Variants in CDH13 observed in about 807,000 individuals in gnomAD.
The protein encoded by CDH13 is cadherin-13.
Under a neutral mutation model 63.8 loss-of-function variants are expected in CDH13, and 24 were observed. The ratio of observed to expected loss-of-function variants is 0.38; its 90% CI spans 0.27 to 0.53. The LOEUF is 0.53. Ranked by LOEUF, CDH13 falls within the 20% of genes least tolerant of loss-of-function variation. The probability of loss-of-function intolerance (pLI) is 0.85; values close to 1 mark genes in which losing one functional copy is unlikely to be tolerated. For missense variants in CDH13, 1,049 were observed against 903.1 expected (o/e 1.16, Z -2.07); for synonymous variants, 503 against 355.3 (o/e 1.42, Z -4.67).
intron 5 of CDH13, among the ~76,000 whole-genome samples, chr16:83,343,647 T>C (rs1270913200): frequency 1.3e-5 from 2 of 152,228 alleles, no homozygotes; most frequent in African/African-American, 2.4e-5. Context: ...TTGGGCTCTT[T>C]TTTGACAATA....
intron 3 of CDH13, among the ~76,000 whole-genome samples, chr16:83,103,457 G>C (rs1378828590): frequency 2.6e-5 from 4 of 151,676 alleles, no homozygotes. Flanking sequence ...TGTTGGCCAG[G>C]CTGGTGTCGA....
intron 10 of CDH13, among the ~76,000 whole-genome samples, chr16:83,689,013 A>C (rs1023478846): frequency 1.1e-4 from 16 of 152,238 alleles, no homozygotes; most frequent in Non-Finnish European, 7.3e-5. Flanking sequence ...TTTGGCTAAT[A>C]TGAAACATCT....
chr16:83,445,848 G>T (rs547492866), intron 6 of CDH13, among the ~76,000 whole-genome samples: 2 of 152,138 alleles, frequency 1.3e-5, no homozygotes, highest in African/African-American at 2.4e-5. Flanking sequence ...GGTACTTGGG[G>T]AGATACTGAA....
At chr16:83,510,851 G>T (rs1013483924) in intron 7 of CDH13, among the ~76,000 whole-genome samples, 1 of 152,230 alleles carries the variant, frequency 6.6e-6, no homozygotes, top group Non-Finnish European at 1.5e-5. Flanking sequence ...TGTACTAAAG[G>T]TCTTTCAGAA....
chr16:83,755,254 A>G (rs553374836), intron 11 of CDH13, among the ~76,000 whole-genome samples: 46 of 152,316 alleles, frequency 3.0e-4, no homozygotes, highest in South Asian at 1.0e-3. Flanking sequence ...AACCTGGAAT[A>G]TGAATCTATA....
intron 4 of CDH13, among the ~76,000 whole-genome samples, chr16:83,167,630 T>C (rs1330621674): frequency 6.6e-6 from 1 of 151,964 alleles, no homozygotes; most frequent in Non-Finnish European, 1.5e-5. Flanking sequence ...CAAGACCCTT[T>C]CTCTCTTTTC....
At chr16:82,879,054 A>G (rs1288530305) in intron 2 of CDH13, among the ~76,000 whole-genome samples, 1 of 152,054 alleles carries the variant, frequency 6.6e-6, no homozygotes, top group African/African-American at 2.4e-5. Flanking sequence ...GTTTCAACTT[A>G]TGGTCAGCTC....
intron 4 of CDH13, among the ~76,000 whole-genome samples, chr16:83,161,506 A>C (rs1021700302): frequency 6.6e-6 from 1 of 152,180 alleles, no homozygotes; most frequent in African/African-American, 2.4e-5. Flanking sequence ...TTATATTTTC[A>C]GATAGAAACA....
At chr16:83,159,904 G>A (rs943610475) in intron 4 of CDH13, among the ~76,000 whole-genome samples, 5 of 151,910 alleles carry the variant, frequency 3.3e-5, no homozygotes, top group Admixed American at 2.0e-4. Context: ...GCGAAAACCC[G>A]TATCTACTAA....
intron 5 of CDH13, among the ~76,000 whole-genome samples, chr16:83,303,982 C>G (rs1415130419): frequency 6.6e-6 from 1 of 152,116 alleles, no homozygotes; most frequent in Non-Finnish European, 1.5e-5. Flanking sequence ...ATGAATTGGG[C>G]TTTTTCTAGT....
intron 2 of CDH13, among the ~76,000 whole-genome samples, chr16:82,891,422 C>G (rs1425605997): frequency 1.3e-5 from 2 of 152,122 alleles, no homozygotes; most frequent in Non-Finnish European, 2.9e-5. Context: ...GTTTGTATTC[C>G]TCTTGGATTT....
intron 5 of CDH13, among the ~76,000 whole-genome samples, chr16:83,302,162 T>A (rs1029972462): frequency 1.3e-5 from 2 of 152,190 alleles, no homozygotes; most frequent in African/African-American, 4.8e-5. Context: ...CTAACAAAGT[T>A]GACAGCTGTT....
intron 2 of CDH13, among the ~76,000 whole-genome samples, chr16:82,867,802 G>T (rs983043276): frequency 6.6e-6 from 1 of 152,210 alleles, no homozygotes; most frequent in Admixed American, 6.5e-5. Flanking sequence ...CTGCTGAAAA[G>T]ATTTCATGTG....
At chr16:83,271,501 A>C (rs1339965399) in intron 5 of CDH13, among the ~76,000 whole-genome samples, 1 of 2,166 alleles carries the variant, frequency 4.6e-4, no homozygotes, top group Non-Finnish European at 1.3e-3. Context: ...GCTTTTATTT[A>C]AAAAAAAACA....
chr16:82,665,974 T>C (rs1005394029), intron 1 of CDH13, among the ~76,000 whole-genome samples: 2 of 152,158 alleles, frequency 1.3e-5, no homozygotes, highest in African/African-American at 4.8e-5. Flanking sequence ...TAAGTATTTC[T>C]TTTGTACCAT....
chr16:83,453,639 T>C (rs890515095), intron 6 of CDH13, among the ~76,000 whole-genome samples: 1 of 152,130 alleles, frequency 6.6e-6, no homozygotes, highest in Non-Finnish European at 1.5e-5. Context: ...GTCTGTTTAA[T>C]GGTGGGGTTC....
At chr16:83,711,258 G>A (rs898188107) in intron 10 of CDH13, among the ~76,000 whole-genome samples, 2 of 152,130 alleles carry the variant, frequency 1.3e-5, no homozygotes, top group Non-Finnish European at 2.9e-5. Flanking sequence ...TAATCAAGTG[G>A]GCTGAAGGAA....
chr16:83,405,192 A>G (rs1263555223), intron 6 of CDH13, among the ~76,000 whole-genome samples: 1 of 152,184 alleles, frequency 6.6e-6, no homozygotes, highest in Admixed American at 6.5e-5. Flanking sequence ...AAAGCAAGAT[A>G]GAATATGGAT....
chr16:83,036,515 A>C (rs992561134), intron 3 of CDH13, among the ~76,000 whole-genome samples: 1 of 152,140 alleles, frequency 6.6e-6, no homozygotes, highest in Non-Finnish European at 1.5e-5. Context: ...AACCTGCACA[A>C]TGTTCACTCC....
Sources: gnomAD v4.1 joint callset for allele counts (sites outside exome capture counted in the v4.1 genomes callset) on GRCh38, gnomAD v4.1.1 for gene constraint, MANE v1.5 for transcripts, NCBI Gene and HGNC (gene_info 2026-07-23, HGNC 2026-07-21) for gene names.